BCL11B: variants seen among roughly 807,000 people sequenced by gnomAD.
BCL11B encodes B-cell lymphoma/leukemia 11B.
Under a neutral mutation model 49.9 loss-of-function variants are expected in BCL11B, and 8 were observed. The observed-to-expected ratio is 0.16, with a 90% CI of 0.09 to 0.29. The LOEUF (loss-of-function observed/expected upper bound fraction) is 0.29, where lower values mean the gene tolerates loss of function less well. BCL11B is among the 10% of genes least tolerant of loss of function. The pLI is 1.00. For synonymous variants in BCL11B, 739 were observed against 637.4 expected, an observed-to-expected ratio of 1.16 and a Z score of -2.40; for missense variants, 1,006 against 1,351.0, an observed-to-expected ratio of 0.74 and a Z score of 4.00.
At chr14:99,225,546 T>G (rs1321024552) in intron 3 of BCL11B, among the ~76,000 whole-genome samples, 1 of 152,140 alleles carries the variant, frequency 6.6e-6, no homozygotes, top group East Asian at 1.9e-4. Flanking sequence ...CAGCACTGCA[T>G]TAAAAATTAA....
At chr14:99,183,030 G>A (rs1329646236) in intron 3 of BCL11B, among the ~76,000 whole-genome samples, 2 of 150,948 alleles carry the variant, frequency 1.3e-5, no homozygotes, top group East Asian at 3.9e-4. Context: ...GTACTATGCT[G>A]GTAGCTAAGG....
At chr14:99,234,759 G>A (rs77675099) in intron 2 of BCL11B, among the ~76,000 whole-genome samples, 2 of 142,844 alleles carry the variant, frequency 1.4e-5, no homozygotes, top group Admixed American at 7.4e-5. Flanking sequence ...GCTGCCCAGC[G>A]AAGAAAGCAA....
chr14:99,212,205 G>A (rs1222183787), intron 3 of BCL11B, among the ~76,000 whole-genome samples: 2 of 152,198 alleles, frequency 1.3e-5, no homozygotes, highest in South Asian at 2.1e-4. Flanking sequence ...AGAAGCAAAA[G>A]CAAAATGGAT....
chr14:99,265,241 C>G (rs1203917420), intron 1 of BCL11B, among the ~76,000 whole-genome samples: 1 of 152,216 alleles, frequency 6.6e-6, no homozygotes, highest in Admixed American at 6.5e-5. Context: ...GAGAAAGATG[C>G]TCAGCCGGTA....
rs1888896290 is a variant in BCL11B at position 99,247,964 on chromosome 14, G to A, written c.427+9507C>T. On this transcript the variant is annotated intron_variant, in intron 2 of 3. Transcript: ENST00000357195. The surrounding 1 kb of genome is among the most constrained non-coding windows in gnomAD (Gnocchi z 4.5). Reference sequence around the variant, plus strand: ...ACAGAGCAGGCGGTCCTGGGCTGGGGGGCTCACCCTGCCCTTGGCTGCTGC... The same window carrying A: ...ACAGAGCAGGCGGTCCTGGGCTGGGAGGCTCACCCTGCCCTTGGCTGCTGC... 6.6e-6 allele frequency among the ~76,000 whole-genome samples: 1 copy of A among 152,210 alleles called. No homozygotes were observed. The highest frequency in any genetic ancestry group is 1.5e-5 in the Non-Finnish European group (1 of 68,036).
At chr14:99,207,540 C>T (rs2139834762) in intron 3 of BCL11B, among the ~76,000 whole-genome samples, 2 of 152,330 alleles carry the variant, frequency 1.3e-5, no homozygotes, top group African/African-American at 4.8e-5. Flanking sequence ...CACTCAGCCC[C>T]TCATTGACCT....
At position 99,257,971 on chromosome 14, in the gene BCL11B, A is replaced by C; in HGVS notation, c.59-132T>G. ...CCTCTGCTGCTGGCTGCCAGAGCTCACCAGGTCCTCCCCGGGGTTGGGGGC... is the reference window on the plus strand; with the variant it reads ...CCTCTGCTGCTGGCTGCCAGAGCTCCCCAGGTCCTCCCCGGGGTTGGGGGC... On this transcript the variant is annotated intron_variant, in intron 1 of 3. Coordinates refer to ENST00000357195, the MANE Select transcript of BCL11B (RefSeq NM_138576.4). This position sits in a 1 kb window ranked among gnomAD's most constrained non-coding sequence, Gnocchi z 6.2. 5.2e-6 allele frequency: 6 copies of C among 1,151,780 alleles called. No homozygotes were observed. The highest frequency in any genetic ancestry group is 1.5e-5 in the African/African-American group (1 of 64,536). The allele number at this position is 1,151,780 out of a possible 1,614,324, so 71.3% of individuals were successfully genotyped here. A position where few individuals can be genotyped will look rare whatever the true frequency, so the allele number is the denominator to read the frequency against.
In BCL11B at chr14:99,174,768, C is replaced by T. The variant is rs765576982; in HGVS notation, c.2068G>A (p.Val690Met). Residue 690 changes from valine (V) to methionine (M), a missense_variant, in exon 4 of 4, where the codon GTG becomes ATG. Physicochemically the swap from Val to Met is conservative, Grantham distance 21 (BLOSUM62 1). Coordinates refer to ENST00000357195, the MANE Select transcript of BCL11B (RefSeq NM_138576.4). Reference protein sequence around the residue: ...GLNSAAKRIKVEKDLELPPAA... With the variant: ...GLNSAAKRIKMEKDLELPPAA... ...GGCGGCAGCTCCAGGTCCTTCTCCACCTTGATGCGCTTGGCGGCGCTGTTG... is the reference window on the plus strand; with the variant it reads ...GGCGGCAGCTCCAGGTCCTTCTCCATCTTGATGCGCTTGGCGGCGCTGTTG... The T allele has an allele frequency of 3.4e-6, 5 of 1,481,868 alleles. No homozygotes were observed. The highest frequency in any genetic ancestry group is 4.5e-6 in the Non-Finnish European group (5 of 1,116,518). 91.8% of individuals were successfully genotyped at this position (1,481,868 alleles called of 1,614,324 possible).
Position 99,174,364 on chromosome 14 carries a change from G to A in BCL11B, c.2472C>T (p.Tyr824=). The change falls in exon 4 of 4, where the codon TAC becomes TAT. Residue 824 remains tyrosine (Y), a synonymous_variant. Coordinates refer to ENST00000357195, the MANE Select transcript of BCL11B (RefSeq NM_138576.4). ...HRRSHTGERP[Y]KCELCNYACA... ...ACGCGTAGTTGCACAGCTCGCACTT[G>A]TAAGGCCGCTCGCCGGTGTGGCTCC... 2 of 1,613,546 alleles carry A rather than the reference G, an allele frequency of 1.2e-6. No individual in the cohort carries two copies. Among genetic ancestry groups the A allele is most frequent in the Non-Finnish European group, 1.7e-6 (2 of 1,179,940 alleles).
intron 1 of BCL11B, among the ~76,000 whole-genome samples, chr14:99,260,140 T>C (rs2139959770): frequency 6.6e-6 from 1 of 152,080 alleles, no homozygotes; most frequent in East Asian, 1.9e-4. Context: ...TGTTAAAAAA[T>C]AGAGAGAGAG....
intron 3 of BCL11B, among the ~76,000 whole-genome samples, chr14:99,203,092 T>C (rs1421242329): frequency 6.6e-6 from 1 of 152,110 alleles, no homozygotes; most frequent in Non-Finnish European, 1.5e-5. Context: ...CAACTCCCAC[T>C]TCCTAGAAGA....
intron 3 of BCL11B, among the ~76,000 whole-genome samples, chr14:99,180,585 T>TC (rs1886672674): frequency 6.6e-6 from 1 of 152,220 alleles, no homozygotes. Flanking sequence ...CTTGACTTCC[T>TC]CATCAGTAGA....
chr14:99,266,998 T>C (rs1889502713), intron 1 of BCL11B, among the ~76,000 whole-genome samples: 1 of 152,158 alleles, frequency 6.6e-6, no homozygotes. Context: ...TGTGCTTCCG[T>C]CTCACCTGAG....
At chr14:99,185,827 A>G (rs1886837006) in intron 3 of BCL11B, among the ~76,000 whole-genome samples, 1 of 148,968 alleles carries the variant, frequency 6.7e-6, no homozygotes, top group South Asian at 2.1e-4. Flanking sequence ...AAGCCCTGGA[A>G]GAGTATCAGG....
chr14:99,173,187 A>G lies in BCL11B; in HGVS notation c.*964T>C. ...ACTGCAGGCCACCCCATCTCCCCAA[A>G]AAGGTACCCTCAGCCCATTTTATGT... On this transcript the variant is annotated 3_prime_UTR_variant, in exon 4 of 4. Transcript: ENST00000357195. 4.3e-6 allele frequency: 1 copy of G among 229,890 alleles called. No individual in the cohort carries two copies. The highest frequency in any genetic ancestry group is 8.6e-6 in the Non-Finnish European group (1 of 115,898). The allele number at this position is 229,890 out of a possible 1,614,324, so 14.2% of individuals were successfully genotyped here. A position where few individuals can be genotyped will look rare whatever the true frequency, so the allele number is the denominator to read the frequency against.
At position 99,203,419 on chromosome 14, in the gene BCL11B, A is replaced by C. The variant is rs181174009; in HGVS notation, c.641-27224T>G. 1.1e-4 allele frequency among the ~76,000 whole-genome samples: 17 copies of C among 152,318 alleles called. No individual in the cohort carries two copies. In the East Asian group the frequency reaches 3.3e-3, roughly 29 times the overall value. On this transcript the variant is annotated intron_variant, in intron 3 of 3. Coordinates refer to ENST00000357195, the MANE Select transcript of BCL11B (RefSeq NM_138576.4). ...TGCCTGGGGCCAACAGAACACTGAC[A>C]CTGAATCCAGAACTTTAATTTCTTA...
rs1176686433 is a variant in BCL11B, at chr14:99,169,834, T to G, written c.*4317A>C. Reference sequence around the variant, plus strand: ...ACTTTTCACATTTTGCTTAGAGTAATTCAGTCTCCTTCTCTCCCCATGAAA... The same window carrying G: ...ACTTTTCACATTTTGCTTAGAGTAAGTCAGTCTCCTTCTCTCCCCATGAAA... On this transcript the variant is annotated 3_prime_UTR_variant, in exon 4 of 4. Coordinates refer to ENST00000357195, the MANE Select transcript of BCL11B (RefSeq NM_138576.4). 4.4e-6 allele frequency: 1 copy of G among 226,792 alleles called. No individual in the cohort carries two copies. The highest frequency in any genetic ancestry group is 2.2e-5 in the African/African-American group (1 of 44,918). 14.0% of individuals were successfully genotyped at this position (226,792 alleles called of 1,614,324 possible).
intron 3 of BCL11B, among the ~76,000 whole-genome samples, chr14:99,187,308 A>C (rs1886881580): frequency 6.6e-6 from 1 of 152,246 alleles, no homozygotes; most frequent in African/African-American, 2.4e-5. Flanking sequence ...CATCTGCAGC[A>C]TTTGTGAAAA....
chr14:99,263,940 T>C (rs1203968293), intron 1 of BCL11B, among the ~76,000 whole-genome samples: 4 of 152,144 alleles, frequency 2.6e-5, no homozygotes, highest in Non-Finnish European at 4.4e-5. Context: ...ACAAATAAAA[T>C]AGGCGCTTTA....
Sources: allele counts gnomAD v4.1 joint callset (sites outside exome capture counted in the v4.1 genomes callset), GRCh38; gene constraint gnomAD v4.1.1; non-coding constraint Gnocchi (gnomAD v3.1); transcripts MANE v1.5; gene names NCBI Gene and HGNC (gene_info 2026-07-23, HGNC 2026-07-21).